ZNF287: variants seen among roughly 807,000 people sequenced by gnomAD.
ZNF287 encodes the protein zinc finger protein with KRAB and SCAN domains 13.
ZNF287 carries 31 observed loss-of-function variants against 73.7 expected under a neutral mutation model. That is an observed-to-expected ratio of 0.42 (90% CI 0.32 to 0.57). The LOEUF is 0.57. ZNF287 is among the 20% of genes least tolerant of loss of function. ZNF287 has a pLI of 0.13. For synonymous variants in ZNF287, 301 were observed against 307.2 expected, an observed-to-expected ratio of 0.98 and a Z score of 0.21; for missense variants, 641 against 909.3, an observed-to-expected ratio of 0.70 and a Z score of 3.79.
In ZNF287 at chr17:16,552,188, T is replaced by C. The variant is rs1906716369; in HGVS notation, c.1954A>G (p.Ile652Val). The change falls in exon 6 of 6, where the codon ATA becomes GTA. Residue 652 changes from isoleucine (I) to valine (V), a missense_variant. Ile to Val is a conservative substitution (Grantham distance 29, BLOSUM62 3). Around this residue, in one of 2 missense-constraint regions of ZNF287, gnomAD observed 284 missense variants for 466.8 expected, o/e 0.61. Transcript: ENST00000395825. The surrounding 1 kb of genome is among the most constrained non-coding windows in gnomAD (Gnocchi z 6.5). The part of the protein sequence containing the change: ...HNGEKPFKCN[I>V]CGKAYRQGAN... ...CCTTGTCTATATGCTTTCCCACATA[T>C]ATTGCATTTAAAGGGTTTTTCTCCA... 2 of 1,614,046 alleles carry C rather than the reference T, an allele frequency of 1.2e-6. No homozygotes were observed. Among genetic ancestry groups the C allele is most frequent in the East Asian group, 2.2e-5 (1 of 44,860 alleles).
intron 3 of ZNF287, among the ~76,000 whole-genome samples, chr17:16,565,882 G>C (rs537522537): frequency 1.3e-5 from 2 of 152,262 alleles, no homozygotes; most frequent in South Asian, 4.1e-4. Flanking sequence ...AGCTACTCCA[G>C]AGGCTGTGGC....
chr17:16,561,004 A>G (rs1389160928), intron 5 of ZNF287, among the ~76,000 whole-genome samples: 1 of 149,590 alleles, frequency 6.7e-6, no homozygotes, highest in African/African-American at 2.5e-5. Context: ...CTCCGTCTCA[A>G]AAAAAAAAGA....
rs778190118 is a variant in ZNF287 at position 16,553,284 on chromosome 17, T to C, written c.858A>G (p.Lys286=). 1.2e-6 allele frequency: 2 copies of C among 1,613,936 alleles called. No homozygotes were observed. The highest frequency in any genetic ancestry group is 2.2e-5 in the East Asian group (1 of 44,858). ...TGAAACCTCTTTCATCAGTGTGAAT[T>C]TTCCAGAAGCCACCTTTTCCTCGCC... ...LERRGKGGFW[K]IHTDERGFSL... is the part of the protein sequence containing the mutation. Residue 286 remains lysine, a synonymous_variant, in exon 6 of 6, where the codon AAA becomes AAG. Coordinates refer to ENST00000395825, the MANE Select transcript of ZNF287 (RefSeq NM_020653.4).
At position 16,551,210 on chromosome 17, in the gene ZNF287, C is replaced by A. The variant is rs137893419; in HGVS notation, c.*646G>T. Among the ~76,000 whole-genome samples the A allele has an allele frequency of 3.3e-5, 5 of 152,054 alleles. No individual in the cohort carries two copies. The highest frequency in any genetic ancestry group is 1.2e-4 in the African/African-American group (5 of 41,468). On this transcript the variant is annotated 3_prime_UTR_variant, in exon 6 of 6. Coordinates refer to ENST00000395825, the MANE Select transcript of ZNF287 (RefSeq NM_020653.4). ...CTTTACATATTTTAAGGCTTCAAAGCTGGGAATAAAAGGCCTGAAAGCAGC... is the reference window on the plus strand; with the variant it reads ...CTTTACATATTTTAAGGCTTCAAAGATGGGAATAAAAGGCCTGAAAGCAGC...
rs778303254 is a variant in ZNF287, at chr17:16,566,578, G to T, written c.448C>A (p.Pro150Thr). ...TLSQDTPEED[P>T]RGKHAFQTGW... Reference sequence around the variant, plus strand: ...GTCTGGAAAGCATGTTTTCCTCTGGGGTCTTCCTCTGGGGTATCTTGGGAA... The same window carrying T: ...GTCTGGAAAGCATGTTTTCCTCTGGTGTCTTCCTCTGGGGTATCTTGGGAA... Residue 150 changes from proline (P) to threonine (T), a missense_variant, in exon 3 of 6, where the codon CCC (proline) becomes ACC (threonine). Pro to Thr is a conservative substitution (Grantham distance 38). This residue lies in a region of ZNF287 where 357 missense variants were observed against 442.4 expected (regional missense o/e 0.81). Coordinates refer to ENST00000395825, the MANE Select transcript of ZNF287 (RefSeq NM_020653.4). The T allele has an allele frequency of 1.2e-6, 2 of 1,613,182 alleles. No homozygotes were observed. The highest frequency in any genetic ancestry group is 1.7e-6 in the Non-Finnish European group (2 of 1,179,644).
chr17:16,566,680 C>A, intron 2 of ZNF287, 58 bp from the exon 3 acceptor site: 1 of 1,263,564 alleles, frequency 7.9e-7, no homozygotes, highest in South Asian at 1.4e-5. Context: ...GCCTAGGAAA[C>A]CCCTCACCAA....
At position 16,552,853 on chromosome 17, in the gene ZNF287, C is replaced by A; in HGVS notation, c.1289G>T (p.Gly430Val). Residue 430 changes from glycine to valine, a missense_variant, in exon 6 of 6, where the codon GGT becomes GTT. This residue lies in a region of ZNF287 where 284 missense variants were observed against 466.8 expected (regional missense o/e 0.61). Transcript: ENST00000395825. This position sits in a 1 kb window ranked among gnomAD's most constrained non-coding sequence, Gnocchi z 6.5. ...GTGTGCACGCTGGCTGAAGGCTTTACCACACTGGTGGCATTCATATGGTTT... is the reference window on the plus strand; with the variant it reads ...GTGTGCACGCTGGCTGAAGGCTTTAACACACTGGTGGCATTCATATGGTTT... The part of the protein sequence containing the change: ...GEKPYECHQC[G>V]KAFSQRAHLT... 6.2e-7 allele frequency: 1 copy of A among 1,614,162 alleles called. No individual in the cohort carries two copies. The highest frequency in any genetic ancestry group is 8.5e-7 in the Non-Finnish European group (1 of 1,180,014).
intron 3 of ZNF287, among the ~76,000 whole-genome samples, chr17:16,564,051 A>C (rs1360505277): frequency 6.6e-6 from 1 of 152,218 alleles, no homozygotes; most frequent in East Asian, 1.9e-4. Flanking sequence ...ATTTTCACTT[A>C]GCACTCATGC....
In ZNF287 at chr17:16,563,244, G is replaced by C; in HGVS notation, c.629-12C>G. On this transcript the variant is annotated splice_polypyrimidine_tract_variant and intron_variant, in intron 4 of 5. Transcript: ENST00000395825. ...GTACACTGTAAGTCCTGTTCAGGAG[G>C]AATATAAAGAATTTTATCCTGGAGA... is the stretch of plus-strand genomic sequence containing the variant. 2 of 1,576,006 alleles carry C rather than the reference G, an allele frequency of 1.3e-6. No homozygotes were observed. Among genetic ancestry groups the C allele is most frequent in the Non-Finnish European group, 1.7e-6 (2 of 1,158,852 alleles).
chr17:16,555,941 C>T (rs1424573461), intron 5 of ZNF287, among the ~76,000 whole-genome samples: 2 of 151,988 alleles, frequency 1.3e-5, no homozygotes, highest in Non-Finnish European at 2.9e-5. Context: ...TATATCCATT[C>T]AATTGAGTAA....
rs868129957 is a variant in ZNF287 at position 16,548,116 on chromosome 17, C to A, written c.*3740G>T. On this transcript the variant is annotated 3_prime_UTR_variant, in exon 6 of 6. Coordinates refer to ENST00000395825, the MANE Select transcript of ZNF287 (RefSeq NM_020653.4). The stretch of plus-strand genomic sequence containing the variant: ...TGTCATTTTGCAAACATTGATGAGA[C>A]AATGGATTCAGGCAACGATCACCGT... 2.0e-5 allele frequency among the ~76,000 whole-genome samples: 3 copies of A among 152,310 alleles called. No individual in the cohort carries two copies. The highest frequency in any genetic ancestry group is 6.8e-3 in the Middle Eastern group (2 of 294).
At chr17:16,554,550 G>A (rs1906915461) in intron 5 of ZNF287, among the ~76,000 whole-genome samples, 1 of 152,106 alleles carries the variant, frequency 6.6e-6, no homozygotes, top group Admixed American at 6.6e-5. Flanking sequence ...CTTTTACGAT[G>A]CCTTCTCCAC....
At chr17:16,561,721 C>CT (rs1377905389) in intron 5 of ZNF287, among the ~76,000 whole-genome samples, 3 of 151,654 alleles carry the variant, frequency 2.0e-5, no homozygotes, top group Non-Finnish European at 4.4e-5. Context: ...TCATGAAAGA[C>CT]TTTTTTTAAA....
chr17:16,553,583 G>A (rs532603047), intron 5 of ZNF287, among the ~76,000 whole-genome samples, 157 bp from the exon 6 acceptor site: 4 of 151,980 alleles, frequency 2.6e-5, no homozygotes, highest in South Asian at 2.1e-4. Flanking sequence ...GAGACAAAGA[G>A]GGCAAAAAAA....
At chr17:16,558,637 A>G (rs28482815) in intron 5 of ZNF287, among the ~76,000 whole-genome samples, 11,186 of 152,124 alleles carry the variant, frequency 0.074, 1,396 homozygotes, top group African/African-American at 0.25. Context: ...TCATTGTTGT[A>G]TACTAGCATC....
chr17:16,565,883 A>C (rs1907714196), intron 3 of ZNF287, among the ~76,000 whole-genome samples: 2 of 152,144 alleles, frequency 1.3e-5, no homozygotes, highest in African/African-American at 2.4e-5. Flanking sequence ...GCTACTCCAG[A>C]GGCTGTGGCA....
intron 5 of ZNF287, among the ~76,000 whole-genome samples, chr17:16,556,834 T>C (rs115578949): frequency 0.029 from 4,439 of 152,184 alleles, 90 homozygotes; most frequent in Middle Eastern, 0.034. Flanking sequence ...CATGAATAAA[T>C]TGCTACTATA....
Position 16,552,175 on chromosome 17 carries a change from G to A in ZNF287, c.1967C>T (p.Ala656Val). The A allele has an allele frequency of 6.2e-7, 1 of 1,613,984 alleles. No individual in the cohort carries two copies. ...KPFKCNICGK[A>V]YRQGANLTQH... ...AGTAAGATTTGCGCCTTGTCTATATGCTTTCCCACATATATTGCATTTAAA... is the reference window on the plus strand; with the variant it reads ...AGTAAGATTTGCGCCTTGTCTATATACTTTCCCACATATATTGCATTTAAA... Residue 656 changes from alanine (A) to valine (V), a missense_variant, in exon 6 of 6, where the codon GCA becomes GTA. Coordinates refer to ENST00000395825, the MANE Select transcript of ZNF287 (RefSeq NM_020653.4). This position sits in a 1 kb window ranked among gnomAD's most constrained non-coding sequence, Gnocchi z 6.5.
intron 2 of ZNF287, 59 bp from the exon 3 acceptor site, chr17:16,566,681 C>CTTT (rs1569023669): frequency 1.1e-5 from 14 of 1,256,410 alleles, no homozygotes; most frequent in Non-Finnish European, 1.5e-5. Flanking sequence ...CCTAGGAAAC[C>CTTT]CCTCACCAAA....
Sources: allele counts gnomAD v4.1 joint callset (sites outside exome capture counted in the v4.1 genomes callset), GRCh38; gene constraint gnomAD v4.1.1; regional missense constraint gnomAD v4.1.1; non-coding constraint Gnocchi (gnomAD v3.1); transcripts MANE v1.5; gene names NCBI Gene and HGNC (gene_info 2026-07-23, HGNC 2026-07-21).